Variants in DOCK1 observed in about 807,000 individuals in gnomAD.
DOCK1 encodes the protein dedicator of cytokinesis 1.
In DOCK1, 138 loss-of-function variants were observed where a neutral mutation model predicts 262.7. The ratio of observed to expected loss-of-function variants is 0.53; its 90% CI spans 0.46 to 0.61. The LOEUF (loss-of-function observed/expected upper bound fraction) is 0.61. Among genes scored for constraint, DOCK1 ranks in the 20% least tolerant of loss-of-function variants. The pLI is 0.00. For missense variants in DOCK1, 1,908 were observed against 2,370.7 expected (o/e 0.80, Z 4.05); for synonymous variants, 866 against 867.4 (o/e 1.00, Z 0.03).
chr10:127,109,483 C>A (rs935528845), intron 24 of DOCK1, among the ~76,000 whole-genome samples: 2 of 152,158 alleles, frequency 1.3e-5, no homozygotes, highest in African/African-American at 2.4e-5. Context: ...TCACCAGAGT[C>A]CAATTTTAGA....
intron 1 of DOCK1, among the ~76,000 whole-genome samples, chr10:126,947,068 C>A (rs2035473676): frequency 6.6e-6 from 1 of 152,234 alleles, no homozygotes; most frequent in African/African-American, 2.4e-5. Flanking sequence ...CAGCAGCATG[C>A]CCTCCTTCCT....
intron 27 of DOCK1, among the ~76,000 whole-genome samples, chr10:127,203,783 C>T (rs894418441): frequency 6.6e-6 from 1 of 151,896 alleles, no homozygotes; most frequent in South Asian, 2.1e-4. Context: ...TGCAGCTGTG[C>T]CATACTCTAA....
At chr10:127,108,514 A>G (rs1482786099) in intron 24 of DOCK1, among the ~76,000 whole-genome samples, 4 of 152,170 alleles carry the variant, frequency 2.6e-5, no homozygotes, top group Admixed American at 1.3e-4. Flanking sequence ...TTGAACCCAG[A>G]GGCAGAAATT....
chr10:127,371,060 A>T (rs2065182029), intron 33 of DOCK1, among the ~76,000 whole-genome samples: 1 of 152,276 alleles, frequency 6.6e-6, no homozygotes, highest in Non-Finnish European at 1.5e-5. Flanking sequence ...TATGAGGAAG[A>T]TAATAAGCAT....
rs548868896 is a variant in DOCK1 at position 127,451,727 on chromosome 10, C to T, written c.*300C>T. On this transcript the variant is annotated 3_prime_UTR_variant, in exon 52 of 52. Transcript: ENST00000623213. Reference sequence around the variant, plus strand: ...TCTGAGTCTTGCCCAAACATTCTTTCTTTTTGTGCCAAATGACTTGCATTT... The same window carrying T: ...TCTGAGTCTTGCCCAAACATTCTTTTTTTTTGTGCCAAATGACTTGCATTT... 4.6e-6 allele frequency: 2 copies of T among 438,798 alleles called. No individual in the cohort carries two copies. Among genetic ancestry groups the T allele is most frequent in the South Asian group, 2.6e-5 (1 of 38,406 alleles). The allele number at this position is 438,798 out of a possible 1,614,324, so 27.2% of individuals were successfully genotyped here.
intron 27 of DOCK1, among the ~76,000 whole-genome samples, chr10:127,247,412 G>A (rs749998946): frequency 2.8e-4 from 42 of 151,954 alleles, no homozygotes; most frequent in Non-Finnish European, 5.4e-4. Context: ...CCTCCACATC[G>A]GGCACAGGGG....
intron 28 of DOCK1, among the ~76,000 whole-genome samples, chr10:127,251,989 T>G (rs1022229784): frequency 5.3e-5 from 8 of 152,116 alleles, no homozygotes; most frequent in African/African-American, 9.7e-5. Flanking sequence ...TGAACTAGTT[T>G]ACAGTCCCAC....
chr10:127,409,413 C>T (rs757153110), intron 42 of DOCK1, 22 bp downstream of exon 42: 1 of 1,612,082 alleles, frequency 6.2e-7, no homozygotes, highest in Non-Finnish European at 8.5e-7. Context: ...ATTTTTCTTA[C>T]CCAACGTGAG....
At chr10:127,426,349 A>G (rs1210029272) in intron 47 of DOCK1, among the ~76,000 whole-genome samples, 1 of 152,232 alleles carries the variant, frequency 6.6e-6, no homozygotes, top group Non-Finnish European at 1.5e-5. Flanking sequence ...TTGACAGTGC[A>G]CACCTACAGT....
At chr10:127,271,415 A>T (rs887130939) in intron 29 of DOCK1, among the ~76,000 whole-genome samples, 2 of 152,224 alleles carry the variant, frequency 1.3e-5, no homozygotes, top group Non-Finnish European at 2.9e-5. Context: ...AGAAAGCCTG[A>T]CTGTGATATA....
chr10:126,919,880 G>A (rs2033000147), intron 1 of DOCK1, among the ~76,000 whole-genome samples: 1 of 152,188 alleles, frequency 6.6e-6, no homozygotes, highest in Non-Finnish European at 1.5e-5. Flanking sequence ...TTGAATGAAG[G>A]CAAAGGGAGA....
intron 27 of DOCK1, among the ~76,000 whole-genome samples, chr10:127,219,130 T>G (rs577799773): frequency 6.6e-6 from 1 of 152,312 alleles, no homozygotes; most frequent in East Asian, 1.9e-4. Context: ...CCAAATTAAG[T>G]AGTGGGGACT....
chr10:127,257,286 T>C, intron 28 of DOCK1, 49 bp from the exon 29 acceptor site: 2 of 1,452,108 alleles, frequency 1.4e-6, no homozygotes, highest in Non-Finnish European at 1.9e-6. Flanking sequence ...GGTATCATGT[T>C]TACCTTTTTC....
Position 127,384,834 on chromosome 10 carries a change from G to A in DOCK1, c.3852G>A (p.Gly1284=). 6.2e-7 allele frequency: 1 copy of A among 1,609,230 alleles called. No homozygotes were observed. The highest frequency in any genetic ancestry group is 8.5e-7 in the Non-Finnish European group (1 of 1,178,574). ...VCVAHLTQRD[G]YQATTQGQLK... ...TGGCCCACCTCACCCAGCGGGACGG[G>A]TACCAGGCCACCACGCAGGGACAGC... Residue 1284 remains glycine (G), a synonymous_variant, in exon 38 of 52, where the codon GGG becomes GGA. Coordinates refer to ENST00000623213, the MANE Select transcript of DOCK1 (RefSeq NM_001290223.2).
At chr10:127,182,746 T>C (rs1589818807) in intron 27 of DOCK1, among the ~76,000 whole-genome samples, 1 of 152,120 alleles carries the variant, frequency 6.6e-6, no homozygotes, top group African/African-American at 2.4e-5. Context: ...ACCTGTGAGA[T>C]TGGTAAAAGG....
chr10:127,202,767 C>T (rs1331956353), intron 27 of DOCK1, among the ~76,000 whole-genome samples: 1 of 152,214 alleles, frequency 6.6e-6, no homozygotes, highest in African/African-American at 2.4e-5. Flanking sequence ...GCACTCAATA[C>T]TGTTAAACTG....
intron 23 of DOCK1, among the ~76,000 whole-genome samples, chr10:127,079,672 T>C (rs1457190148): frequency 2.0e-5 from 3 of 152,196 alleles, no homozygotes; most frequent in East Asian, 3.9e-4. Flanking sequence ...GGCTCATGCT[T>C]ATAATCCCAG....
intron 33 of DOCK1, among the ~76,000 whole-genome samples, chr10:127,362,896 C>CAT: frequency 9.1e-6 from 1 of 109,832 alleles, no homozygotes; most frequent in Non-Finnish European, 1.9e-5. Flanking sequence ...CACACACACA[C>CAT]ACATGTACAT....
chr10:127,311,215 G>A (rs1235936752), intron 29 of DOCK1, among the ~76,000 whole-genome samples: 1 of 152,146 alleles, frequency 6.6e-6, no homozygotes, highest in African/African-American at 2.4e-5. Context: ...CTGTTCCTGG[G>A]GCCATGCTTT....
Sources: gnomAD v4.1 joint callset for allele counts (sites outside exome capture counted in the v4.1 genomes callset) on GRCh38, gnomAD v4.1.1 for gene constraint, MANE v1.5 for transcripts, NCBI Gene and HGNC (gene_info 2026-07-23, HGNC 2026-07-21) for gene names.